STK32B: variants seen among roughly 807,000 people sequenced by gnomAD.
STK32B encodes the protein serine/threonine kinase 32B.
In STK32B, 43 loss-of-function variants were observed where a neutral mutation model predicts 52.6. That is an observed-to-expected ratio of 0.82 (90% CI 0.64 to 1.05). The LOEUF (loss-of-function observed/expected upper bound fraction) is 1.05, where lower values mean the gene tolerates loss of function less well. Ranked by LOEUF, STK32B falls within the 50% of genes least tolerant of loss-of-function variation. STK32B has a pLI of 0.00. For synonymous variants in STK32B, 238 were observed against 204.3 expected, an observed-to-expected ratio of 1.17 and a Z score of -1.41; for missense variants, 621 against 534.6, an observed-to-expected ratio of 1.16 and a Z score of -1.59.
chr4:5,105,855 G>T (rs1373928045), intron 1 of STK32B, among the ~76,000 whole-genome samples: 2 of 151,564 alleles, frequency 1.3e-5, no homozygotes, highest in African/African-American at 4.8e-5. Flanking sequence ...GAGCCACCAC[G>T]CCCGGCTGAA....
intron 4 of STK32B, among the ~76,000 whole-genome samples, chr4:5,358,218 T>G (rs1734304948): frequency 6.6e-6 from 1 of 152,196 alleles, no homozygotes; most frequent in African/African-American, 2.4e-5. Flanking sequence ...GATAATAAAT[T>G]TTGGAAATAG....
At chr4:5,076,475 C>A (rs1712080805) in intron 1 of STK32B, among the ~76,000 whole-genome samples, 1 of 151,958 alleles carries the variant, frequency 6.6e-6, no homozygotes, top group African/African-American at 2.4e-5. Context: ...TTGTCAATTC[C>A]CCAGAGTGGA....
chr4:5,212,389 G>C lies in STK32B; in HGVS notation c.260+43939G>C, dbSNP rs140834595. Among the ~76,000 whole-genome samples, 96 of 152,266 alleles carry C rather than the reference G, an allele frequency of 6.3e-4. 1 individual carries two copies. The highest frequency in any genetic ancestry group is 2.1e-3 in the African/African-American group (86 of 41,544). On this transcript the variant is annotated intron_variant, in intron 3 of 11. Coordinates refer to ENST00000282908, the MANE Select transcript of STK32B (RefSeq NM_018401.3). ...TCAAAACAAGCAATTTTTCCCTACT[G>C]TCTGTGGGCTTACTGTCAGCCTTTT...
intron 1 of STK32B, among the ~76,000 whole-genome samples, chr4:5,119,255 C>G (rs192212219): frequency 2.0e-5 from 3 of 152,208 alleles, no homozygotes; most frequent in African/African-American, 7.2e-5. Context: ...TTAGCCAGCA[C>G]TTTCTGTGCC....
chr4:5,462,648 G>T (rs1717124972), intron 9 of STK32B, among the ~76,000 whole-genome samples: 1 of 152,166 alleles, frequency 6.6e-6, no homozygotes, highest in Non-Finnish European at 1.5e-5. Flanking sequence ...GGCTGCCAGG[G>T]AGCTTACAGA....
intron 11 of STK32B, among the ~76,000 whole-genome samples, chr4:5,484,325 C>A (rs965027238): frequency 2.6e-5 from 4 of 152,108 alleles, no homozygotes; most frequent in Non-Finnish European, 5.9e-5. Flanking sequence ...TTGAATTGAT[C>A]CCTTTACCAT....
the STK32B span, among the ~76,000 whole-genome samples, chr4:5,038,635 A>T: frequency 6.6e-6 from 1 of 152,204 alleles, no homozygotes; most frequent in African/African-American, 2.4e-5. Context: ...AATACAGAAA[A>T]GGGACTATAA....
At position 5,108,484 on chromosome 4, in the gene STK32B, A is replaced by G. The variant is rs552443864; in HGVS notation, c.53-31421A>G. 3.9e-5 allele frequency among the ~76,000 whole-genome samples: 6 copies of G among 152,334 alleles called. No individual in the cohort carries two copies. The East Asian group carries it at 5.8e-4, about 15-fold the overall frequency. On this transcript the variant is annotated intron_variant, in intron 1 of 11. Transcript: ENST00000282908. The stretch of plus-strand genomic sequence containing the variant: ...GTGTTGAGGTTATGCTGATCTCATA[A>G]AACACGTTGGGAAATATTCCCCTTT...
At chr4:5,465,405 G>T (rs529520628) in intron 9 of STK32B, among the ~76,000 whole-genome samples, 2 of 152,028 alleles carry the variant, frequency 1.3e-5, no homozygotes, top group African/African-American at 2.4e-5. Context: ...TCTTCCTCCT[G>T]CCCCCAGGTC....
intron 3 of STK32B, among the ~76,000 whole-genome samples, chr4:5,317,401 T>C (rs1292699241): frequency 1.2e-5 from 1 of 85,662 alleles, no homozygotes; most frequent in Non-Finnish European, 1.9e-5. Flanking sequence ...ATAATATATA[T>C]AATGTATATG....
the STK32B span, among the ~76,000 whole-genome samples, chr4:5,028,196 C>G: frequency 6.6e-6 from 1 of 152,152 alleles, no homozygotes; most frequent in Non-Finnish European, 1.5e-5. Context: ...TGCAGTGGAG[C>G]CATCTTAGCT....
At chr4:5,118,918 A>C (rs1381896330) in intron 1 of STK32B, among the ~76,000 whole-genome samples, 1 of 152,126 alleles carries the variant, frequency 6.6e-6, no homozygotes, top group Non-Finnish European at 1.5e-5. Flanking sequence ...CAGCCTCAGC[A>C]CCATAGACGA....
intron 1 of STK32B, among the ~76,000 whole-genome samples, chr4:5,118,670 G>T (rs536875338): frequency 6.6e-6 from 1 of 152,184 alleles, no homozygotes; most frequent in African/African-American, 2.4e-5. Flanking sequence ...GCCACTCACA[G>T]TTGTCCTACT....
chr4:5,055,275 T>G (rs1489625931), intron 1 of STK32B, among the ~76,000 whole-genome samples: 2 of 151,754 alleles, frequency 1.3e-5, no homozygotes, highest in Non-Finnish European at 2.9e-5. Context: ...TTTTTTTTTT[T>G]TTTTTTAGAG....
intron 3 of STK32B, among the ~76,000 whole-genome samples, chr4:5,192,263 T>C (rs1721268077): frequency 6.6e-6 from 1 of 152,158 alleles, no homozygotes; most frequent in Non-Finnish European, 1.5e-5. Context: ...TGTTATTGAA[T>C]TCCCAGCAAG....
intron 6 of STK32B, among the ~76,000 whole-genome samples, chr4:5,418,215 A>T (rs1042297923): frequency 6.6e-6 from 1 of 152,220 alleles, no homozygotes; most frequent in East Asian, 1.9e-4. Context: ...TTATCAGCAC[A>T]TCTTTCTGTG....
chr4:5,148,051 T>C (rs978222611), intron 2 of STK32B, among the ~76,000 whole-genome samples: 5 of 151,922 alleles, frequency 3.3e-5, no homozygotes, highest in Non-Finnish European at 7.4e-5. Context: ...AGTAAGGCTT[T>C]TGACTACAAA....
chr4:5,377,768 A>G (rs1735676303), intron 4 of STK32B, among the ~76,000 whole-genome samples: 1 of 152,168 alleles, frequency 6.6e-6, no homozygotes, highest in Admixed American at 6.5e-5. Context: ...CTCTCTTGCC[A>G]GCCACCATGT....
rs1158320089 is a variant in STK32B, at chr4:5,316,851, AT to A, written c.261-14367del. On this transcript the variant is annotated intron_variant, in intron 3 of 11. Coordinates refer to ENST00000282908, the MANE Select transcript of STK32B (RefSeq NM_018401.3). ...ATATATTATATATTATATATAATAT[AT>A]TATATATATTATATATTATATATAA... Among the ~76,000 whole-genome samples the A allele has an allele frequency of 9.0e-3, 10 of 1,106 alleles. 2 individuals are homozygous for A. Among genetic ancestry groups the A allele is most frequent in the African/African-American group, 0.045 (9 of 202 alleles). 0.7% of individuals were successfully genotyped at this position (1,106 alleles called of 152,430 possible). A position where few individuals can be genotyped will look rare whatever the true frequency, so the allele number is the denominator to read the frequency against.
Sources: gnomAD v4.1 joint callset for allele counts (sites outside exome capture counted in the v4.1 genomes callset) on GRCh38, gnomAD v4.1.1 for gene constraint, MANE v1.5 for transcripts, NCBI Gene and HGNC (gene_info 2026-07-23, HGNC 2026-07-21) for gene names.